PLXNA4: variants seen among roughly 807,000 people sequenced by gnomAD.
The protein encoded by PLXNA4 is plexin-A4.
A neutral mutation model predicts 191.8 loss-of-function variants in PLXNA4; 44 were observed. That is an observed-to-expected ratio of 0.23 (90% CI 0.18 to 0.29). The LOEUF is 0.29. Ranked by LOEUF, PLXNA4 falls within the 10% of genes least tolerant of loss-of-function variation. PLXNA4 has a pLI of 1.00. For missense variants in PLXNA4, 1,800 were observed against 2,488.8 expected, an observed-to-expected ratio of 0.72 and a Z score of 5.89; for synonymous variants, 1,082 against 1,009.5, an observed-to-expected ratio of 1.07 and a Z score of -1.36.
chr7:132,210,807 G>T lies in PLXNA4; in HGVS notation c.2298+136C>A, dbSNP rs558266576. Reference sequence around the variant, plus strand: ...GGGGCTGGGATGTGCCAGCAGGCATGGGGGAAGCAGGTAGGCAGTTTTGTG... The same window carrying T: ...GGGGCTGGGATGTGCCAGCAGGCATTGGGGAAGCAGGTAGGCAGTTTTGTG... On this transcript the variant is annotated intron_variant, in intron 10 of 31. Transcript: ENST00000321063. 6.1e-5 allele frequency: 59 copies of T among 972,182 alleles called. No individual in the cohort carries two copies. The South Asian group carries it at 7.3e-4, about 12-fold the overall frequency. The allele number at this position is 972,182 out of a possible 1,614,324, so 60.2% of individuals were successfully genotyped here. A position where few individuals can be genotyped will look rare whatever the true frequency, so the allele number is the denominator to read the frequency against.
chr7:132,570,732 G>T (rs1801941087), intron 1 of PLXNA4, among the ~76,000 whole-genome samples: 1 of 152,236 alleles, frequency 6.6e-6, no homozygotes, highest in African/African-American at 2.4e-5. Context: ...TGACTGCGGA[G>T]ACTATCCTCT....
chr7:132,349,367 G>A (rs1316294329), intron 3 of PLXNA4, among the ~76,000 whole-genome samples: 1 of 152,136 alleles, frequency 6.6e-6, no homozygotes, highest in African/African-American at 2.4e-5. Context: ...GGGTGTGGGG[G>A]TAGGGGGCTG....
intron 1 of PLXNA4, among the ~76,000 whole-genome samples, chr7:132,554,111 T>C (rs930336188): frequency 4.6e-5 from 7 of 152,164 alleles, no homozygotes; most frequent in African/African-American, 1.4e-4. Context: ...TAGATATAGA[T>C]ACATGACTAT....
intron 14 of PLXNA4, among the ~76,000 whole-genome samples, chr7:132,189,004 GAGAGAGA>G (rs1796990458): frequency 6.9e-5 from 5 of 72,210 alleles, no homozygotes; most frequent in Admixed American, 1.5e-4. Flanking sequence ...GAGAGAGAGA[GAGAGAGA>G]GAGAGAGAGA....
At chr7:132,177,939 C>T (rs1796531420) in intron 20 of PLXNA4, among the ~76,000 whole-genome samples, 1 of 152,124 alleles carries the variant, frequency 6.6e-6, no homozygotes, top group African/African-American at 2.4e-5. Flanking sequence ...AAGTGAGAGC[C>T]CCAGGTATGG....
chr7:132,482,968 G>A (rs1585202005), intron 3 of PLXNA4, among the ~76,000 whole-genome samples: 1 of 152,098 alleles, frequency 6.6e-6, no homozygotes, highest in South Asian at 2.1e-4. Flanking sequence ...TGGGATTACA[G>A]GGGTGAGCCA....
upstream of PLXNA4, among the ~76,000 whole-genome samples, chr7:132,580,020 A>G (rs1434805474): frequency 6.6e-6 from 1 of 152,100 alleles, no homozygotes; most frequent in East Asian, 1.9e-4. Context: ...CAGCTTTACA[A>G]TTTGGAGCGG....
intron 1 of PLXNA4, among the ~76,000 whole-genome samples, chr7:132,520,602 A>G (rs1450215603): frequency 2.0e-5 from 3 of 152,196 alleles, no homozygotes; most frequent in Non-Finnish European, 2.9e-5. Context: ...CTGGTGTGAA[A>G]TCTCTAGCTA....
At chr7:132,161,217 C>G (rs1395822049) in intron 24 of PLXNA4, among the ~76,000 whole-genome samples, 1 of 152,228 alleles carries the variant, frequency 6.6e-6, no homozygotes, top group East Asian at 1.9e-4. Flanking sequence ...CTCTGAGGGA[C>G]CCATGGGGCA....
chr7:132,523,123 G>T (rs1472663127), intron 1 of PLXNA4, among the ~76,000 whole-genome samples: 2 of 152,088 alleles, frequency 1.3e-5, no homozygotes, highest in Non-Finnish European at 2.9e-5. Flanking sequence ...TACATTCTGG[G>T]GGTGCAGCAA....
chr7:132,459,127 T>G (rs2117346835), intron 3 of PLXNA4, among the ~76,000 whole-genome samples: 1 of 152,352 alleles, frequency 6.6e-6, no homozygotes, highest in East Asian at 1.9e-4. Context: ...GCCCGCGCTC[T>G]TCCTCCTGCC....
intron 1 of PLXNA4, among the ~76,000 whole-genome samples, chr7:132,512,868 T>A (rs1798783350): frequency 6.6e-6 from 1 of 152,190 alleles, no homozygotes; most frequent in African/African-American, 2.4e-5. Context: ...CGCTCTCAAG[T>A]CACCATTTAG....
At chr7:132,496,736 T>C (rs1265830303) in intron 2 of PLXNA4, among the ~76,000 whole-genome samples, 1 of 152,108 alleles carries the variant, frequency 6.6e-6, no homozygotes, top group Non-Finnish European at 1.5e-5. Flanking sequence ...CCTCTGGGGT[T>C]GTTAGAGGGT....
intron 3 of PLXNA4, among the ~76,000 whole-genome samples, chr7:132,350,342 T>C (rs564018212): frequency 2.0e-5 from 3 of 151,608 alleles, no homozygotes; most frequent in African/African-American, 7.3e-5. Context: ...TCATCTCTAC[T>C]AAAAAATACA....
At chr7:132,608,972 C>A (rs1232905499) in intron 2 of PLXNA4, among the ~76,000 whole-genome samples, 1 of 152,214 alleles carries the variant, frequency 6.6e-6, no homozygotes, top group Non-Finnish European at 1.5e-5. Flanking sequence ...GGAACTGCCA[C>A]CCCTGAGGCC....
intron 3 of PLXNA4, chr7:132,384,886 A>G (rs1229624734): frequency 2.5e-6 from 3 of 1,201,678 alleles, no homozygotes; most frequent in Non-Finnish European, 3.1e-6. Flanking sequence ...CGATGGGAGA[A>G]TCAGTTAGTT....
chr7:132,621,236 G>GGTTT (rs1803255027), intron 2 of PLXNA4, among the ~76,000 whole-genome samples: 1 of 135,066 alleles, frequency 7.4e-6, no homozygotes, highest in Admixed American at 7.5e-5. Flanking sequence ...TAATCTCTTG[G>GGTTT]TTTTTTTTTG....
intron 13 of PLXNA4, among the ~76,000 whole-genome samples, chr7:132,196,321 T>C (rs1412241147): frequency 6.6e-6 from 1 of 152,246 alleles, no homozygotes; most frequent in African/African-American, 2.4e-5. Context: ...AACATTTTGG[T>C]GTTTCTGTGG....
chr7:132,506,060 A>G (rs545990325), intron 2 of PLXNA4, among the ~76,000 whole-genome samples: 1 of 152,170 alleles, frequency 6.6e-6, no homozygotes, highest in South Asian at 2.1e-4. Flanking sequence ...TTGTGACATC[A>G]GGGAACTCCT....
Sources: allele counts gnomAD v4.1 joint callset (sites outside exome capture counted in the v4.1 genomes callset), GRCh38; gene constraint gnomAD v4.1.1; transcripts MANE v1.5; gene names NCBI Gene and HGNC (gene_info 2026-07-23, HGNC 2026-07-21).